The following ITLN1 variants were observed in gnomAD, a reference collection of about 807,000 sequenced individuals.
ITLN1 encodes intelectin 1.
Under a neutral mutation model 36.2 loss-of-function variants are expected in ITLN1, and 29 were observed. The observed-to-expected ratio is 0.80, with a 90% CI of 0.60 to 1.09. ITLN1 has a LOEUF of 1.09. Ranked by LOEUF, ITLN1 falls within the 50% of genes least tolerant of loss-of-function variation. The pLI is 0.00. For missense variants in ITLN1, 358 were observed against 405.2 expected, an observed-to-expected ratio of 0.88 and a Z score of 1.00; for synonymous variants, 143 against 146.5, an observed-to-expected ratio of 0.98 and a Z score of 0.17.
At chr1:160,884,746 T>C in intron 2 of ITLN1, 74 bp downstream of exon 2, 2 of 1,007,788 alleles carry the variant, frequency 2.0e-6, no homozygotes, top group South Asian at 2.7e-5. Flanking sequence ...GGACATGCTC[T>C]GTGTCCTGGG....
chr1:160,881,371 C>G (rs1245597820), intron 4 of ITLN1, 59 bp from the exon 5 acceptor site: 2 of 1,502,690 alleles, frequency 1.3e-6, no homozygotes, highest in Non-Finnish European at 1.8e-6. Context: ...GGCAGAAGGT[C>G]CACACATGCA....
rs1401210748 is a variant in ITLN1, at chr1:160,882,031, G to A, written c.331C>T (p.Pro111Ser). The A allele has an allele frequency of 2.0e-5, 33 of 1,613,912 alleles. No individual in the cohort carries two copies. Among genetic ancestry groups the A allele is most frequent in the Non-Finnish European group, 2.7e-5 (32 of 1,180,026 alleles). Residue 111 changes from proline (P) to serine (S), a missense_variant, in exon 4 of 8, where the codon CCA (proline) becomes TCA (serine). Pro to Ser is a moderately conservative substitution (Grantham distance 74). Transcript: ENST00000326245. Reference sequence around the variant, plus strand: ...TTGGCCCAGTTGCCGTCCCCCTCTGGGTAGACTGCTTTGCTGCCCTGCTGA... The same window carrying A: ...TTGGCCCAGTTGCCGTCCCCCTCTGAGTAGACTGCTTTGCTGCCCTGCTGA... ...SSQQGSKAVY[P>S]EGDGNWANYN...
At chr1:160,880,854 T>C in intron 5 of ITLN1, 146 bp from the exon 6 acceptor site, 1 of 1,031,586 alleles carries the variant, frequency 9.7e-7, no homozygotes, top group Non-Finnish European at 1.4e-6. Context: ...TAAGAATCTT[T>C]CCATGACACT....
intron 7 of ITLN1, among the ~76,000 whole-genome samples, chr1:160,878,107 G>A (rs1670619847): frequency 6.6e-6 from 1 of 152,118 alleles, no homozygotes; most frequent in Non-Finnish European, 1.5e-5. Context: ...GGCAGAAGTT[G>A]TGGCGAGCCT....
intron 5 of ITLN1, 117 bp downstream of exon 5, chr1:160,881,037 A>C (rs1383114770): frequency 1.1e-5 from 14 of 1,219,356 alleles, no homozygotes; most frequent in Non-Finnish European, 1.5e-5. Flanking sequence ...CCATCAGCAA[A>C]TCTGGGTTAG....
intron 5 of ITLN1, 22 bp downstream of exon 5, chr1:160,881,132 C>A (rs1670668950): frequency 6.3e-7 from 1 of 1,581,218 alleles, no homozygotes; most frequent in Non-Finnish European, 8.6e-7. Context: ...GAAAACCAGT[C>A]CCAGCCAGCA....
In ITLN1 at chr1:160,881,966, A is replaced by G. The variant is rs775317508; in HGVS notation, c.396T>C (p.Asp132=). The change falls in exon 4 of 8, where the codon GAT becomes GAC. Residue 132 remains aspartate, a synonymous_variant. Coordinates refer to ENST00000326245, the MANE Select transcript of ITLN1 (RefSeq NM_017625.3). ...TFGSAEAATS[D]DYKNPGYYDI... ...AAGAAGTGGCACCAACCTTGTAGTC[A>G]TCGCTCGTGGCCGCCTCTGCAGATC... The G allele has an allele frequency of 5.0e-6, 8 of 1,614,002 alleles. No individual in the cohort carries two copies. Among genetic ancestry groups the G allele is most frequent in the Admixed American group, 1.7e-5 (1 of 59,986 alleles).
Position 160,881,324 on chromosome 1 carries a change from C to A in ITLN1, c.406-12G>T. ...TAGTAGCCAGGGTTCTGGAAAGCAA[C>A]AGACACTGAGCCTGACTGGGCCAGG... is the stretch of plus-strand genomic sequence containing the variant. On this transcript the variant is annotated splice_polypyrimidine_tract_variant and intron_variant, in intron 4 of 7. Transcript: ENST00000326245. 6.3e-7 allele frequency: 1 copy of A among 1,575,512 alleles called. No homozygotes were observed. The highest frequency in any genetic ancestry group is 8.6e-7 in the Non-Finnish European group (1 of 1,160,328).
At chr1:160,877,069 C>T (rs1670600110) in intron 7 of ITLN1, among the ~76,000 whole-genome samples, 2 of 152,162 alleles carry the variant, frequency 1.3e-5, no homozygotes, top group African/African-American at 4.8e-5. Context: ...GAAACCACAT[C>T]TCTACAAAAA....
At chr1:160,880,981 T>A (rs1332117399) in intron 5 of ITLN1, among the ~76,000 whole-genome samples, 173 bp downstream of exon 5, 1 of 152,110 alleles carries the variant, frequency 6.6e-6, no homozygotes, top group African/African-American at 2.4e-5. Context: ...CTCCAATAGG[T>A]CCCTTCTCTT....
In ITLN1 at chr1:160,879,826, T is replaced by G. The variant is rs1015824464; in HGVS notation, c.686-412A>C. On this transcript the variant is annotated intron_variant, in intron 6 of 7. Coordinates refer to ENST00000326245, the MANE Select transcript of ITLN1 (RefSeq NM_017625.3). ...AAATGTAAATAATAACAGCTTTGAG[T>G]TCTATAATATATGCTCAGCCTCTGC... Among the ~76,000 whole-genome samples the G allele has an allele frequency of 1.6e-4, 25 of 152,290 alleles. 1 individual carries two copies. The highest frequency in any genetic ancestry group is 2.2e-4 in the Non-Finnish European group (15 of 68,030).
chr1:160,881,191 A>T lies in ITLN1; in HGVS notation c.527T>A (p.Leu176His). Reference sequence around the variant, plus strand: ...AAACAGATTATGTCCCAGTGTCTGGAGGAAGCCAGTGTCCGTGCGGTACCT... The same window carrying T: ...AAACAGATTATGTCCCAGTGTCTGGTGGAAGCCAGTGTCCGTGCGGTACCT... ...LLRYRTDTGF[L>H]QTLGHNLFGI... is the part of the protein sequence containing the mutation. Residue 176 changes from leucine (L) to histidine (H), a missense_variant, in exon 5 of 8, where the codon CTC becomes CAC. Physicochemically the swap from Leu to His is moderately conservative, Grantham distance 99. Coordinates refer to ENST00000326245, the MANE Select transcript of ITLN1 (RefSeq NM_017625.3). 6.2e-7 allele frequency: 1 copy of T among 1,613,512 alleles called. No homozygotes were observed. Among genetic ancestry groups the T allele is most frequent in the Non-Finnish European group, 8.5e-7 (1 of 1,179,640 alleles).
intron 7 of ITLN1, among the ~76,000 whole-genome samples, chr1:160,878,189 G>A (rs1021064025): frequency 6.6e-6 from 1 of 151,518 alleles, no homozygotes; most frequent in Non-Finnish European, 1.5e-5. Flanking sequence ...AGTGTGTAAC[G>A]CCTCCCCTGC....
chr1:160,876,546 C>CT lies in ITLN1; in HGVS notation c.*117_*118insA, dbSNP rs2101907764. 9.2e-7 allele frequency: 1 copy of CT among 1,082,870 alleles called. No individual in the cohort carries two copies. Among genetic ancestry groups the CT allele is most frequent in the African/African-American group, 1.6e-5 (1 of 63,552 alleles). The allele number at this position is 1,082,870 out of a possible 1,614,324, so 67.1% of individuals were successfully genotyped here. On this transcript the variant is annotated 3_prime_UTR_variant, in exon 8 of 8. Coordinates refer to ENST00000326245, the MANE Select transcript of ITLN1 (RefSeq NM_017625.3). Reference sequence around the variant, plus strand: ...TTCACAGAAACACCAAGCCTTGAGTCAATATGATTTATTGTTTTCTCTTCT... The same window carrying CT: ...TTCACAGAAACACCAAGCCTTGAGTCTAATATGATTTATTGTTTTCTCTTCT...
At position 160,883,431 on chromosome 1, in the gene ITLN1, A is replaced by G. The variant is rs1670709958; in HGVS notation, c.154T>C (p.Phe52Leu). The G allele has an allele frequency of 6.2e-7, 1 of 1,607,626 alleles. No homozygotes were observed. The highest frequency in any genetic ancestry group is 8.5e-7 in the Non-Finnish European group (1 of 1,174,208). ...GTTTGAATGTTTCATCACTCACCAA[A>G]TGCACTAGGACATTCGTCTTTGATT... ...KEIKDECPSA[F>L]DGLYFLRTEN... The change falls in exon 3 of 8, where the codon TTT (phenylalanine) becomes CTT (leucine). Residue 52 changes from phenylalanine (F) to leucine (L), a missense_variant. Coordinates refer to ENST00000326245, the MANE Select transcript of ITLN1 (RefSeq NM_017625.3).
chr1:160,879,856 C>T (rs569264223), intron 6 of ITLN1, among the ~76,000 whole-genome samples: 5 of 152,276 alleles, frequency 3.3e-5, no homozygotes, highest in Middle Eastern at 6.8e-3. Context: ...CTCTGCGGAG[C>T]GTACTATGCT....
In ITLN1 at chr1:160,883,500, A is replaced by C; in HGVS notation, c.85T>G (p.Trp29Gly). Residue 29 changes from tryptophan (W) to glycine (G), a missense_variant, in exon 3 of 8, where the codon TGG becomes GGG. Transcript: ENST00000326245. ...TDEANTYFKE[W>G]TCSSSPSLPR... ...AGAGATGGAGACGAAGAACAGGTCC[A>C]TTCCTTGAAGTAAGTATTAGCCTCA... The C allele has an allele frequency of 1.2e-6, 2 of 1,613,246 alleles. No individual in the cohort carries two copies. The highest frequency in any genetic ancestry group is 1.7e-6 in the Non-Finnish European group (2 of 1,179,260).
At position 160,876,542 on chromosome 1, in the gene ITLN1, G is replaced by A; in HGVS notation, c.*122C>T. On this transcript the variant is annotated 3_prime_UTR_variant, in exon 8 of 8. Coordinates refer to ENST00000326245, the MANE Select transcript of ITLN1 (RefSeq NM_017625.3). ...GGAATTCACAGAAACACCAAGCCTT[G>A]AGTCAATATGATTTATTGTTTTCTC... 1 of 1,048,018 alleles carries A rather than the reference G, an allele frequency of 9.5e-7. No homozygotes were observed. The highest frequency in any genetic ancestry group is 1.6e-5 in the South Asian group (1 of 64,056). 64.9% of individuals were successfully genotyped at this position (1,048,018 alleles called of 1,614,324 possible).
chr1:160,880,139 T>C (rs1043397886), intron 6 of ITLN1, among the ~76,000 whole-genome samples: 1 of 152,054 alleles, frequency 6.6e-6, no homozygotes, highest in African/African-American at 2.4e-5. Flanking sequence ...ATCACATCTC[T>C]ACTAAAAATA....
Sources: gnomAD v4.1 joint callset for allele counts (sites outside exome capture counted in the v4.1 genomes callset) on GRCh38, gnomAD v4.1.1 for gene constraint, MANE v1.5 for transcripts, NCBI Gene and HGNC (gene_info 2026-07-23, HGNC 2026-07-21) for gene names.